RFX4: variants seen among roughly 807,000 people sequenced by gnomAD.
The protein encoded by RFX4 is regulatory factor X4.
RFX4 carries 10 observed loss-of-function variants against 95.0 expected under a neutral mutation model. The observed-to-expected ratio is 0.11, with a 90% CI of 0.06 to 0.18. The LOEUF (loss-of-function observed/expected upper bound fraction) is 0.18, where lower values mean the gene tolerates loss of function less well. Ranked by LOEUF, RFX4 falls within the 10% of genes least tolerant of loss-of-function variation. The pLI is 1.00. For missense variants in RFX4, 640 were observed against 922.0 expected (o/e 0.69, Z 3.96); for synonymous variants, 321 against 340.7 (o/e 0.94, Z 0.64).
intron 5 of RFX4, chr12:106,683,560 C>T (rs2041576692): frequency 7.0e-6 from 1 of 142,638 alleles, no homozygotes. Context: ...AGCCTTGGTA[C>T]GATTATAGAT....
chr12:106,720,051 G>A lies in RFX4; in HGVS notation c.1230G>A (p.Val410=), dbSNP rs755341867. ...ATACCATGGTTGACCGCTGTGTTGT[G>A]AAGGTTGGTAAACCGGCACCTAGCG... ...WLDTMVDRCV[V]KVAAKRQGSL... Residue 410 remains valine, a synonymous_variant, in exon 12 of 18, where the codon GTG becomes GTA. Transcript: ENST00000392842. The surrounding 1 kb of genome is among the most constrained non-coding windows in gnomAD (Gnocchi z 4.2). 1.1e-5 allele frequency: 18 copies of A among 1,613,944 alleles called. No individual in the cohort carries two copies. The highest frequency in any genetic ancestry group is 1.2e-5 in the Non-Finnish European group (14 of 1,179,952).
intron 4 of RFX4, among the ~76,000 whole-genome samples, chr12:106,664,733 G>A (rs1438310173): frequency 6.6e-6 from 1 of 151,624 alleles, no homozygotes; most frequent in Non-Finnish European, 1.5e-5. Context: ...AAATTTTAAT[G>A]TTGCATTTTC....
intron 17 of RFX4, among the ~76,000 whole-genome samples, chr12:106,760,468 A>T (rs2043189751): frequency 1.3e-5 from 2 of 152,128 alleles, no homozygotes. Context: ...TCTGACCTGC[A>T]CAAAAGCTCC....
intron 4 of RFX4, among the ~76,000 whole-genome samples, chr12:106,669,196 TC>T (rs947077697): frequency 6.6e-6 from 1 of 152,190 alleles, no homozygotes; most frequent in African/African-American, 2.4e-5. Context: ...TGAGTGGTTT[TC>T]CCCAGTTCCT....
intron 2 of RFX4, among the ~76,000 whole-genome samples, chr12:106,629,873 T>C (rs1410823081): frequency 6.6e-6 from 1 of 152,196 alleles, no homozygotes; most frequent in East Asian, 1.9e-4. Flanking sequence ...TGAGCCACTG[T>C]CTGGCCAGGA....
chr12:106,609,546 C>T (rs894305368), intron 2 of RFX4, among the ~76,000 whole-genome samples: 7 of 152,206 alleles, frequency 4.6e-5, no homozygotes, highest in African/African-American at 1.2e-4. Context: ...GCATCTCCTT[C>T]GTTCAGTTTT....
At chr12:106,755,445 C>A (rs1242545758) in intron 17 of RFX4, among the ~76,000 whole-genome samples, 3 of 152,154 alleles carry the variant, frequency 2.0e-5, no homozygotes, top group African/African-American at 7.2e-5. Context: ...AGGTAATGTG[C>A]CCCAGGTCAT....
chr12:106,683,718 G>A (rs2041580764), intron 5 of RFX4: 1 of 152,100 alleles, frequency 6.6e-6, no homozygotes. Flanking sequence ...TGAGGAATCA[G>A]TGGCTCCGAT....
intron 5 of RFX4, chr12:106,682,915 T>G (rs2041551432): frequency 6.6e-6 from 1 of 152,224 alleles, no homozygotes; most frequent in African/African-American, 2.4e-5. Context: ...AGGTGTTCCA[T>G]GAAGAAGAGC....
chr12:106,597,518 A>G (rs1476712731), intron 1 of RFX4, among the ~76,000 whole-genome samples: 3 of 152,228 alleles, frequency 2.0e-5, no homozygotes, highest in African/African-American at 7.2e-5. Context: ...GATGTGCCTT[A>G]TTAACTCAAT....
Position 106,754,799 on chromosome 12 carries a change from G to T in RFX4, c.1935+4006G>T, listed in dbSNP as rs139356557. ...CAAAGGGTCCTAGGCCAGGCTCTTC[G>T]CCACCATGCCTTGTGACTCTTAGAC... On this transcript the variant is annotated intron_variant, in intron 17 of 17. Transcript: ENST00000392842. 5.4e-4 allele frequency among the ~76,000 whole-genome samples: 82 copies of T among 152,282 alleles called. 1 individual carries two copies. In the East Asian group the frequency reaches 6.2e-3, roughly 11 times the overall value.
At chr12:106,614,800 C>T (rs2040041124) in intron 2 of RFX4, among the ~76,000 whole-genome samples, 1 of 152,250 alleles carries the variant, frequency 6.6e-6, no homozygotes, top group East Asian at 1.9e-4. Flanking sequence ...TGAGCCACCA[C>T]GCCTGGCCGC....
At chr12:106,678,897 C>T (rs188603330) in intron 4 of RFX4, among the ~76,000 whole-genome samples, 30 of 152,292 alleles carry the variant, frequency 2.0e-4, no homozygotes, top group Non-Finnish European at 3.8e-4. Flanking sequence ...AGTTTCCTAT[C>T]ATTAGACATT....
chr12:106,675,460 G>T (rs1448984035), intron 4 of RFX4, among the ~76,000 whole-genome samples: 1 of 151,804 alleles, frequency 6.6e-6, no homozygotes, highest in South Asian at 2.1e-4. Context: ...AAGAAGAAAA[G>T]AAAATTGCTA....
intron 4 of RFX4, among the ~76,000 whole-genome samples, chr12:106,671,901 A>G (rs1028822133): frequency 2.0e-5 from 3 of 152,096 alleles, no homozygotes; most frequent in Non-Finnish European, 4.4e-5. Context: ...AGCTCAGGCA[A>G]TCCGCCCACC....
At chr12:106,650,614 G>A (rs2040838941) in intron 3 of RFX4, among the ~76,000 whole-genome samples, 1 of 152,108 alleles carries the variant, frequency 6.6e-6, no homozygotes, top group Non-Finnish European at 1.5e-5. Context: ...TGTAGTCCCA[G>A]CTACTCAGGA....
intron 13 of RFX4, among the ~76,000 whole-genome samples, chr12:106,723,822 C>T (rs538030775): frequency 6.6e-6 from 1 of 152,160 alleles, no homozygotes; most frequent in Non-Finnish European, 1.5e-5. Flanking sequence ...ACAGGAATTG[C>T]TTTCCCTGTA....
intron 6 of RFX4, 39 bp from the exon 7 acceptor site, chr12:106,689,248 T>A: frequency 6.8e-7 from 1 of 1,479,084 alleles, no homozygotes; most frequent in Non-Finnish European, 9.5e-7. Flanking sequence ...TGTGTATTAA[T>A]GTATGTCTTT....
intron 17 of RFX4, among the ~76,000 whole-genome samples, chr12:106,759,219 G>C (rs1002245299): frequency 6.6e-6 from 1 of 152,190 alleles, no homozygotes; most frequent in Admixed American, 6.5e-5. Context: ...AATGACAAAA[G>C]GGCAGGCATG....
Sources: gnomAD v4.1 joint callset for allele counts (sites outside exome capture counted in the v4.1 genomes callset) on GRCh38, gnomAD v4.1.1 for gene constraint, Gnocchi (gnomAD v3.1) non-coding constraint, MANE v1.5 for transcripts, NCBI Gene and HGNC (gene_info 2026-07-23, HGNC 2026-07-21) for gene names.